Variants in ROR1 observed in about 807,000 individuals in gnomAD.
ROR1 encodes the protein ROR family WNT receptor 1.
A neutral mutation model predicts 78.8 loss-of-function variants in ROR1; 19 were observed. The ratio of observed to expected loss-of-function variants is 0.24; its 90% CI spans 0.17 to 0.35. The LOEUF (loss-of-function observed/expected upper bound fraction) is 0.35. ROR1 is among the 10% of genes least tolerant of loss of function. The probability of loss-of-function intolerance (pLI) is 1.00; values close to 1 mark genes in which losing one functional copy is unlikely to be tolerated. For synonymous variants in ROR1, 386 were observed against 433.6 expected, an observed-to-expected ratio of 0.89 and a Z score of 1.36; for missense variants, 917 against 1,177.8, an observed-to-expected ratio of 0.78 and a Z score of 3.24.
At chr1:63,846,934 G>C (rs1464294250) in intron 1 of ROR1, among the ~76,000 whole-genome samples, 15 of 152,156 alleles carry the variant, frequency 9.9e-5, no homozygotes, top group Non-Finnish European at 1.2e-4. Flanking sequence ...GTCACTAAGG[G>C]GGATCTGTAG....
intron 1 of ROR1, among the ~76,000 whole-genome samples, chr1:63,981,941 CG>C (rs1394994713): frequency 3.3e-5 from 5 of 152,056 alleles, no homozygotes; most frequent in African/African-American, 1.2e-4. Flanking sequence ...TTGTTGCTCT[CG>C]CTTGCCTCCC....
intron 1 of ROR1, chr1:63,789,059 C>A: frequency 3.2e-6 from 2 of 623,926 alleles, no homozygotes; most frequent in Non-Finnish European, 6.2e-6. Context: ...TGGTTGTACC[C>A]TTTCGCTTAC....
chr1:63,833,682 C>G (rs1645002810), intron 1 of ROR1, among the ~76,000 whole-genome samples: 1 of 150,986 alleles, frequency 6.6e-6, no homozygotes, highest in Non-Finnish European at 1.5e-5. Flanking sequence ...TTTTTTCCTT[C>G]AAGGTAGTGT....
intron 1 of ROR1, among the ~76,000 whole-genome samples, chr1:63,798,131 G>C (rs147725884): frequency 6.6e-6 from 1 of 152,080 alleles, no homozygotes. Context: ...ACTCAGTCAG[G>C]CATTTTTCCA....
intron 4 of ROR1, among the ~76,000 whole-genome samples, chr1:64,111,592 T>C (rs1648098984): frequency 6.6e-6 from 1 of 152,184 alleles, no homozygotes; most frequent in South Asian, 2.1e-4. Context: ...GCTGCCTTGG[T>C]ACATTGTCCG....
At chr1:64,097,920 T>G (rs542587996) in intron 4 of ROR1, among the ~76,000 whole-genome samples, 1 of 152,214 alleles carries the variant, frequency 6.6e-6, no homozygotes, top group Non-Finnish European at 1.5e-5. Context: ...AGTTGCTGAA[T>G]AGTAAGTGCT....
At chr1:63,908,525 G>T (rs956084704) in intron 1 of ROR1, among the ~76,000 whole-genome samples, 3 of 152,010 alleles carry the variant, frequency 2.0e-5, no homozygotes, top group South Asian at 2.1e-4. Flanking sequence ...TAACCTCTTC[G>T]CTCCCCTGTT....
rs532097130 is a variant in ROR1, at chr1:64,157,625, T to C, written c.1175-1356T>C. Among the ~76,000 whole-genome samples the C allele has an allele frequency of 4.6e-5, 7 of 152,318 alleles. No homozygotes were observed. The East Asian group carries it at 1.3e-3, about 29-fold the overall frequency. ...GGTGTGTACAAGTAAAAACTACATATGGTTTATTCTCATTTACATGTACTA... is the reference window on the plus strand; with the variant it reads ...GGTGTGTACAAGTAAAAACTACATACGGTTTATTCTCATTTACATGTACTA... On this transcript the variant is annotated intron_variant, in intron 7 of 8. Transcript: ENST00000371079.
rs1569895875 is a variant in ROR1, at chr1:64,178,911, G to C, written c.*56G>C. On this transcript the variant is annotated 3_prime_UTR_variant, in exon 9 of 9. Coordinates refer to ENST00000371079, the MANE Select transcript of ROR1 (RefSeq NM_005012.4). The surrounding 1 kb of genome is among the most constrained non-coding windows in gnomAD (Gnocchi z 4.3). ...GGACAAACTAGACGGCCGTAGAAAA[G>C]ATTTATATTCAAATGTTTTTATTAA... 1 of 1,266,270 alleles carries C rather than the reference G, an allele frequency of 7.9e-7. No individual in the cohort carries two copies. The highest frequency in any genetic ancestry group is 2.5e-5 in the East Asian group (1 of 39,238). The allele number at this position is 1,266,270 out of a possible 1,614,324, so 78.4% of individuals were successfully genotyped here. A position where few individuals can be genotyped will look rare whatever the true frequency, so the allele number is the denominator to read the frequency against.
chr1:64,019,274 A>G (rs780703218), intron 2 of ROR1, among the ~76,000 whole-genome samples: 3 of 152,108 alleles, frequency 2.0e-5, no homozygotes, highest in Non-Finnish European at 2.9e-5. Flanking sequence ...TCTGTCCTCA[A>G]TTTTCTGAGG....
intron 1 of ROR1, among the ~76,000 whole-genome samples, chr1:63,827,639 T>C (rs1471821471): frequency 6.6e-6 from 1 of 152,214 alleles, no homozygotes; most frequent in African/African-American, 2.4e-5. Flanking sequence ...TCTAGGTTTC[T>C]TGTTCTGAAG....
chr1:63,944,556 G>A lies in ROR1; in HGVS notation c.92-64749G>A, dbSNP rs115965085. On this transcript the variant is annotated intron_variant, in intron 1 of 8. Coordinates refer to ENST00000371079, the MANE Select transcript of ROR1 (RefSeq NM_005012.4). ...GTCAAATGGTTTGATTTACTTAAGTGGTCTATTTCGTTATTCCAGTAAGGA... is the reference window on the plus strand; with the variant it reads ...GTCAAATGGTTTGATTTACTTAAGTAGTCTATTTCGTTATTCCAGTAAGGA... 8.0e-3 allele frequency among the ~76,000 whole-genome samples: 1,225 copies of A among 152,230 alleles called. 7 individuals carry two copies. The highest frequency in any genetic ancestry group is 0.027 in the Middle Eastern group (8 of 292).
chr1:64,150,729 T>C (rs1649598356), intron 7 of ROR1, among the ~76,000 whole-genome samples: 2 of 152,254 alleles, frequency 1.3e-5, no homozygotes, highest in African/African-American at 4.8e-5. Flanking sequence ...CAAGATGTGC[T>C]TTCATTTCCA....
intron 4 of ROR1, among the ~76,000 whole-genome samples, chr1:64,051,637 T>A (rs1345145043): frequency 6.6e-6 from 1 of 152,142 alleles, no homozygotes; most frequent in East Asian, 1.9e-4. Context: ...CTATTGTTGA[T>A]GCGTTTGTCA....
intron 1 of ROR1, among the ~76,000 whole-genome samples, chr1:63,876,568 A>G (rs1156984815): frequency 4.6e-5 from 7 of 152,038 alleles, no homozygotes; most frequent in Non-Finnish European, 5.9e-5. Flanking sequence ...GTTAGCCCAG[A>G]TGACTCAATG....
intron 1 of ROR1, among the ~76,000 whole-genome samples, chr1:63,943,033 C>A (rs554065348): frequency 6.8e-6 from 1 of 146,976 alleles, no homozygotes; most frequent in South Asian, 2.1e-4. Flanking sequence ...GAGACTGCAG[C>A]AAGCTGTGAT....
At chr1:63,970,414 G>A (rs545673418) in intron 1 of ROR1, among the ~76,000 whole-genome samples, 2 of 152,274 alleles carry the variant, frequency 1.3e-5, no homozygotes, top group South Asian at 4.1e-4. Context: ...ACATTAGTCT[G>A]GACATAAAAG....
chr1:63,925,072 T>A (rs1388168406), intron 1 of ROR1, among the ~76,000 whole-genome samples: 4 of 151,082 alleles, frequency 2.6e-5, no homozygotes, highest in African/African-American at 4.9e-5. Flanking sequence ...TGCAGGTTAG[T>A]TACATATGTA....
chr1:63,959,630 C>T (rs1462319698), intron 1 of ROR1, among the ~76,000 whole-genome samples: 1 of 152,116 alleles, frequency 6.6e-6, no homozygotes, highest in Admixed American at 6.5e-5. Context: ...TTCTTTTTCT[C>T]AACCTCTTCT....
Sources: gnomAD v4.1 joint callset for allele counts (sites outside exome capture counted in the v4.1 genomes callset) on GRCh38, gnomAD v4.1.1 for gene constraint, Gnocchi (gnomAD v3.1) non-coding constraint, MANE v1.5 for transcripts, NCBI Gene and HGNC (gene_info 2026-07-23, HGNC 2026-07-21) for gene names.